Variants in DUSP22 observed in about 807,000 individuals in gnomAD.
DUSP22 encodes the protein dual specificity phosphatase 22.
In DUSP22, 24 loss-of-function variants were observed where a neutral mutation model predicts 24.5. The observed-to-expected ratio is 0.98, with a 90% CI of 0.71 to 1.38. The LOEUF (loss-of-function observed/expected upper bound fraction) is 1.38. Ranked by LOEUF, DUSP22 falls within the 40% of genes most tolerant of loss-of-function variation. The pLI is 0.00. For missense variants in DUSP22, 330 were observed against 269.2 expected (o/e 1.23, Z -1.58); for synonymous variants, 160 against 106.4 (o/e 1.50, Z -3.10).
chr6:346,120 T>G (rs1759857841), intron 5 of DUSP22, among the ~76,000 whole-genome samples, 192 bp downstream of exon 5: 1 of 152,308 alleles, frequency 6.6e-6, no homozygotes, highest in African/African-American at 2.4e-5. Context: ...AGGAGAACCC[T>G]AACTCGTTTT....
At position 348,235 on chromosome 6, in the gene DUSP22, G is replaced by A. The variant is rs1230207892; in HGVS notation, c.396G>A (p.Gln132=). 5 of 1,614,188 alleles carry A rather than the reference G, an allele frequency of 3.1e-6. No individual in the cohort carries two copies. Among genetic ancestry groups the A allele is most frequent in the Non-Finnish European group, 4.2e-6 (5 of 1,180,058 alleles). The change falls in exon 6 of 7, where the codon CAG becomes CAA. Residue 132 remains glutamine, a synonymous_variant. Transcript: ENST00000419235. ...RSCANPNVGF[Q]RQLQEFEKHE... ...GTGCCAACCCCAACGTGGGCTTCCA[G>A]AGACAGCTCCAGGAGTTTGAGAAGC... is the stretch of plus-strand genomic sequence containing the variant.
chr6:314,955 C>T (rs1448845225), intron 3 of DUSP22, among the ~76,000 whole-genome samples: 1 of 152,428 alleles, frequency 6.6e-6, no homozygotes, highest in African/African-American at 2.4e-5. Flanking sequence ...TCCTAGCAGC[C>T]TGGCTGGAAA....
chr6:305,529 G>T (rs1183884264), intron 2 of DUSP22, among the ~76,000 whole-genome samples: 2 of 152,304 alleles, frequency 1.3e-5, no homozygotes, highest in African/African-American at 4.8e-5. Flanking sequence ...CTCATCTGGT[G>T]CTTCTCTTCT....
intron 1 of DUSP22, among the ~76,000 whole-genome samples, chr6:294,308 TATTG>T (rs1413583653): frequency 6.6e-6 from 1 of 152,272 alleles, no homozygotes. Flanking sequence ...CTTCAACACT[TATTG>T]ATTATGTACA....
At position 350,371 on chromosome 6, in the gene DUSP22, C is replaced by G. The variant is rs3800260; in HGVS notation, c.*1420C>G. 3 of 1,068,504 alleles carry G rather than the reference C, an allele frequency of 2.8e-6. No individual in the cohort carries two copies. The highest frequency in any genetic ancestry group is 5.0e-5 in the Admixed American group (1 of 19,940). 66.2% of individuals were successfully genotyped at this position (1,068,504 alleles called of 1,614,324 possible). On this transcript the variant is annotated 3_prime_UTR_variant, in exon 7 of 7. Transcript: ENST00000419235. Reference sequence around the variant, plus strand: ...CTAGTCCTTTATACCGACTCAGATTCCTTAAGCATGCAGAGTCACTCGAAT... The same window carrying G: ...CTAGTCCTTTATACCGACTCAGATTGCTTAAGCATGCAGAGTCACTCGAAT...
intron 3 of DUSP22, among the ~76,000 whole-genome samples, chr6:332,972 ATGG>A (rs1315114796): frequency 1.3e-5 from 2 of 152,420 alleles, no homozygotes; most frequent in Non-Finnish European, 2.9e-5. Flanking sequence ...AGTCATTTCA[ATGG>A]TGGCTGCAGG....
intron 3 of DUSP22, among the ~76,000 whole-genome samples, chr6:317,568 A>T (rs375832575): frequency 7.2e-5 from 11 of 152,402 alleles, no homozygotes; most frequent in African/African-American, 2.6e-4. Flanking sequence ...CCTTTTCTGT[A>T]ATGTCTTCAG....
At chr6:334,482 G>A (rs931361217) in intron 3 of DUSP22, among the ~76,000 whole-genome samples, 13 of 152,250 alleles carry the variant, frequency 8.5e-5, no homozygotes, top group African/African-American at 2.2e-4. Flanking sequence ...GTTTTATAGA[G>A]GAGTATATGA....
At chr6:310,310 A>G (rs1201908625) in intron 2 of DUSP22, among the ~76,000 whole-genome samples, 1 of 152,308 alleles carries the variant, frequency 6.6e-6, no homozygotes, top group Non-Finnish European at 1.5e-5. Flanking sequence ...AGGAAAGTTC[A>G]GCCAGGCTGG....
At chr6:335,002 T>G (rs995004071) in intron 3 of DUSP22, 112 bp from the exon 4 acceptor site, 137 of 1,270,278 alleles carry the variant, frequency 1.1e-4, no homozygotes, top group Middle Eastern at 2.7e-4. Flanking sequence ...AGTGAAAAAC[T>G]TCTCCTTTTT....
At chr6:318,805 A>G (rs1363914425) in intron 3 of DUSP22, among the ~76,000 whole-genome samples, 2 of 152,302 alleles carry the variant, frequency 1.3e-5, no homozygotes, top group African/African-American at 2.4e-5. Context: ...GCCAACCCAC[A>G]TATTCAGCAG....
At chr6:320,906 A>G (rs560886652) in intron 3 of DUSP22, among the ~76,000 whole-genome samples, 7 of 152,416 alleles carry the variant, frequency 4.6e-5, no homozygotes, top group Non-Finnish European at 1.0e-4. Context: ...TTGAGCACCT[A>G]CCTTGCAGCA....
At chr6:320,265 A>T (rs1204320540) in intron 3 of DUSP22, 1 of 152,774 alleles carries the variant, frequency 6.5e-6, no homozygotes, top group African/African-American at 2.4e-5. Flanking sequence ...ACAACTGAAG[A>T]CTTTTGCAGG....
intron 3 of DUSP22, among the ~76,000 whole-genome samples, chr6:322,843 G>GCCTTCGA (rs1758673129): frequency 7.1e-6 from 1 of 141,540 alleles, no homozygotes. Flanking sequence ...GGCGGGGGGG[G>GCCTTCGA]GCCTTCGAGT....
At chr6:343,960 G>T (rs916562844) in intron 4 of DUSP22, among the ~76,000 whole-genome samples, 4 of 152,310 alleles carry the variant, frequency 2.6e-5, no homozygotes, top group African/African-American at 9.6e-5. Context: ...GGCAACTTTT[G>T]CTGTTTTATA....
At chr6:335,580 CAG>C (rs1759325393) in intron 4 of DUSP22, among the ~76,000 whole-genome samples, 1 of 152,416 alleles carries the variant, frequency 6.6e-6, no homozygotes, top group South Asian at 2.1e-4. Flanking sequence ...ACATTTTAAA[CAG>C]CAAACAGAAA....
chr6:349,467 T>C lies in DUSP22; in HGVS notation c.*516T>C. On this transcript the variant is annotated 3_prime_UTR_variant, in exon 7 of 7. Transcript: ENST00000419235. ...CATTTGAGCTCGACCTCCGAAAAGC[T>C]ACCCAGCAAAGAGCAGTCTGTGCCT... is the stretch of plus-strand genomic sequence containing the variant. 1 of 1,006,830 alleles carries C rather than the reference T, an allele frequency of 9.9e-7. No homozygotes were observed. Among genetic ancestry groups the C allele is most frequent in the Non-Finnish European group, 1.2e-6 (1 of 843,446 alleles). 62.4% of individuals were successfully genotyped at this position (1,006,830 alleles called of 1,614,324 possible).
chr6:311,750 G>A (rs1452807979), intron 2 of DUSP22, 130 bp from the exon 3 acceptor site: 2 of 961,646 alleles, frequency 2.1e-6, no homozygotes, highest in East Asian at 2.9e-5. Flanking sequence ...CTACATGTAT[G>A]GTCAGTTATG....
At chr6:320,543 C>T (rs1394240312) in intron 3 of DUSP22, among the ~76,000 whole-genome samples, 1 of 152,308 alleles carries the variant, frequency 6.6e-6, no homozygotes, top group Non-Finnish European at 1.5e-5. Context: ...ATAGACACCA[C>T]TGCAGCCTGG....
Sources: gnomAD v4.1 joint callset for allele counts (sites outside exome capture counted in the v4.1 genomes callset) on GRCh38, gnomAD v4.1.1 for gene constraint, MANE v1.5 for transcripts, NCBI Gene and HGNC (gene_info 2026-07-23, HGNC 2026-07-21) for gene names.